The following ZNF106 variants were observed in gnomAD, a reference collection of about 807,000 sequenced individuals.
ZNF106 encodes SH3-domain binding protein 3.
Under a neutral mutation model 195.1 loss-of-function variants are expected in ZNF106, and 67 were observed. The ratio of observed to expected loss-of-function variants is 0.34; its 90% confidence interval spans 0.28 to 0.42. The LOEUF (loss-of-function observed/expected upper bound fraction) is 0.42, where lower values mean the gene tolerates loss of function less well. Ranked by LOEUF, ZNF106 falls within the 10% of genes least tolerant of loss-of-function variation. ZNF106 has a pLI of 1.00. For missense variants in ZNF106, 2,118 were observed against 2,304.5 expected, an observed-to-expected ratio of 0.92 and a Z score of 1.66; for synonymous variants, 784 against 818.6, an observed-to-expected ratio of 0.96 and a Z score of 0.72.
intron 2 of ZNF106, among the ~76,000 whole-genome samples, chr15:42,466,728 C>T (rs2056525746): frequency 6.6e-6 from 1 of 152,224 alleles, no homozygotes; most frequent in Non-Finnish European, 1.5e-5. Flanking sequence ...TGTCCACTCC[C>T]TCACTTCCCC....
Position 42,451,677 on chromosome 15 carries a change from G to A in ZNF106, c.595C>T (p.His199Tyr), listed in dbSNP as rs2056036276. 1.2e-6 allele frequency: 2 copies of A among 1,614,204 alleles called. No homozygotes were observed. Among genetic ancestry groups the A allele is most frequent in the Non-Finnish European group, 1.7e-6 (2 of 1,180,044 alleles). Reference sequence around the variant, plus strand: ...CCACCTCCAGAATTACTATGGTTGTGAAACCAAGTCGAGGAGCCTCCTGCA... The same window carrying A: ...CCACCTCCAGAATTACTATGGTTGTAAAACCAAGTCGAGGAGCCTCCTGCA... ...GVAGGSSTWF[H>Y]NHSNSGGGWL... Residue 199 changes from histidine to tyrosine, a missense_variant, in exon 5 of 22, where the codon CAC (histidine) becomes TAC (tyrosine). Coordinates refer to ENST00000564754, the MANE Select transcript of ZNF106 (RefSeq NM_001366845.3).
rs758613440 is a variant in ZNF106 at position 42,451,465 on chromosome 15, T to A, written c.807A>T (p.Pro269=). 1.9e-6 allele frequency: 3 copies of A among 1,614,126 alleles called. No homozygotes were observed. In the African/African-American group the frequency reaches 4.0e-5, roughly 22 times the overall value. ...NYSGPGDKFQ[P]GRNRNSNCQM... ...GACAGTTAGAATTTCTGTTTCTGCC[T>A]GGTTGAAATTTGTCTCCAGGGCCAC... The change falls in exon 5 of 22, where the codon CCA becomes CCT. Residue 269 remains proline, a synonymous_variant. Transcript: ENST00000564754.
chr15:42,436,381 T>C (rs756452319), intron 13 of ZNF106, among the ~76,000 whole-genome samples: 3 of 152,244 alleles, frequency 2.0e-5, no homozygotes, highest in Admixed American at 6.5e-5. Context: ...CTTACACTTA[T>C]ACATCCTGGT....
chr15:42,481,290 A>T (rs1348224546), intron 1 of ZNF106, among the ~76,000 whole-genome samples: 1 of 151,430 alleles, frequency 6.6e-6, no homozygotes, highest in African/African-American at 2.4e-5. Flanking sequence ...CTTATAGTGC[A>T]GATCTACTAG....
chr15:42,440,997 AAAT>A (rs1294586714), intron 10 of ZNF106, among the ~76,000 whole-genome samples: 5 of 51,634 alleles, frequency 9.7e-5, no homozygotes, highest in Non-Finnish European at 1.5e-4. Context: ...AAAAAAAAAA[AAAT>A]ATATATATAT....
rs750956630 is a variant in ZNF106 at position 42,439,210 on chromosome 15, AACT to A, written c.4364_4366del (p.Gln1455del). ...TGAAGAATCAATGGCTACTACTTCTAACTGAGGATTAGGAATTTCTAGGACTTC... is the reference window on the plus strand; with the variant it reads ...TGAAGAATCAATGGCTACTACTTCTAGAGGATTAGGAATTTCTAGGACTTC... On this transcript the variant is annotated inframe_deletion, in exon 11 of 22. Transcript: ENST00000564754. The A allele has an allele frequency of 1.2e-5, 20 of 1,613,922 alleles. No homozygotes were observed. In the Admixed American group the frequency reaches 2.7e-4, roughly 22 times the overall value.
chr15:42,472,716 G>A (rs115405038), intron 1 of ZNF106, among the ~76,000 whole-genome samples: 2,376 of 152,212 alleles, frequency 0.016, 63 homozygotes, highest in African/African-American at 0.055. Flanking sequence ...TTCTTTTAAA[G>A]TTTAATTCAG....
intron 2 of ZNF106, 132 bp downstream of exon 2, chr15:42,472,104 A>G: frequency 1.2e-6 from 1 of 866,582 alleles, no homozygotes. Context: ...AAAGAAAAGA[A>G]GCATAAATAA....
rs769318751 is a variant in ZNF106 at position 42,442,258 on chromosome 15, G to A, written c.3578C>T (p.Ser1193Leu). The A allele has an allele frequency of 1.9e-6, 3 of 1,614,190 alleles. No homozygotes were observed. In the South Asian group the frequency reaches 3.3e-5, roughly 18 times the overall value. ...LEPPSSHVSP[S>L]PTGASLQITT... ...TATTTGAAGAGAGGCTCCGGTGGGT[G>A]ATGGAGACACATGGGAAGATGGAGG... is the stretch of plus-strand genomic sequence containing the variant. Residue 1193 changes from serine (S) to leucine (L), a missense_variant, in exon 10 of 22, where the codon TCA (serine) becomes TTA (leucine). Coordinates refer to ENST00000564754, the MANE Select transcript of ZNF106 (RefSeq NM_001366845.3).
At chr15:42,465,958 CT>C in intron 3 of ZNF106, 94 bp downstream of exon 3, 1 of 1,008,850 alleles carries the variant, frequency 9.9e-7, no homozygotes, top group Non-Finnish European at 1.4e-6. Flanking sequence ...ACAACATTTG[CT>C]TTTGACGGAT....
intron 1 of ZNF106, among the ~76,000 whole-genome samples, chr15:42,483,168 T>G (rs2056940963): frequency 6.7e-6 from 1 of 149,078 alleles, no homozygotes; most frequent in South Asian, 2.2e-4. Context: ...AGAATCTGCC[T>G]GGTTTTTTTG....
At chr15:42,483,095 G>A (rs1251179050) in intron 1 of ZNF106, among the ~76,000 whole-genome samples, 1 of 152,172 alleles carries the variant, frequency 6.6e-6, no homozygotes, top group Non-Finnish European at 1.5e-5. Context: ...CTGCCCTAAA[G>A]TTAGAAGCCA....
intron 2 of ZNF106, among the ~76,000 whole-genome samples, chr15:42,467,058 G>A (rs1330144047): frequency 4.6e-5 from 7 of 152,150 alleles, no homozygotes; most frequent in African/African-American, 1.4e-4. Context: ...GCTTGAACCC[G>A]GGAGGCAGAG....
At chr15:42,428,518 T>G (rs1009535567) in intron 14 of ZNF106, among the ~76,000 whole-genome samples, 4 of 152,194 alleles carry the variant, frequency 2.6e-5, no homozygotes, top group Non-Finnish European at 5.9e-5. Flanking sequence ...ATAAATGCAC[T>G]AATCAAATAT....
chr15:42,457,812 G>A (rs1285511595), intron 3 of ZNF106, among the ~76,000 whole-genome samples: 4 of 152,246 alleles, frequency 2.6e-5, no homozygotes, highest in Non-Finnish European at 5.9e-5. Context: ...GTTAACAGCT[G>A]TGCCAAGCAA....
At chr15:42,418,009 G>A (rs1166674352) in intron 20 of ZNF106, 58 bp from the exon 21 acceptor site, 32 of 1,565,920 alleles carry the variant, frequency 2.0e-5, no homozygotes, top group Non-Finnish European at 2.7e-5. Flanking sequence ...ACGTGAATCA[G>A]AACAGCCCCC....
chr15:42,464,169 G>A (rs1030677683), intron 3 of ZNF106, among the ~76,000 whole-genome samples: 3 of 151,808 alleles, frequency 2.0e-5, no homozygotes, highest in South Asian at 2.1e-4. Context: ...GTGAAAACCC[G>A]TCTCTACTAA....
chr15:42,474,298 G>A (rs943380906), intron 1 of ZNF106, among the ~76,000 whole-genome samples: 7 of 152,142 alleles, frequency 4.6e-5, no homozygotes, highest in East Asian at 3.8e-4. Flanking sequence ...TTTAAATTCC[G>A]TGAGAAAAAG....
At chr15:42,463,131 G>C (rs2056432245) in intron 3 of ZNF106, among the ~76,000 whole-genome samples, 1 of 152,028 alleles carries the variant, frequency 6.6e-6, no homozygotes, top group Admixed American at 6.6e-5. Context: ...TGGATGATTA[G>C]TGACGTCTGA....
Sources: allele counts gnomAD v4.1 joint callset (sites outside exome capture counted in the v4.1 genomes callset), GRCh38; gene constraint gnomAD v4.1.1; transcripts MANE v1.5; gene names NCBI Gene and HGNC (gene_info 2026-07-23, HGNC 2026-07-21).